Variants in ATP6V0A4 observed in about 807,000 individuals in gnomAD.
The protein encoded by ATP6V0A4 is V-type proton ATPase 116 kDa subunit a 4.
Under a neutral mutation model 107.3 loss-of-function variants are expected in ATP6V0A4, and 86 were observed. The ratio of observed to expected loss-of-function variants is 0.80; its 90% confidence interval spans 0.67 to 0.96. ATP6V0A4 has a LOEUF of 0.96. Ranked by LOEUF, ATP6V0A4 falls within the 40% of genes least tolerant of loss-of-function variation. ATP6V0A4 has a pLI of 0.00. For missense variants in ATP6V0A4, 908 were observed against 1,045.6 expected (o/e 0.87, Z 1.81); for synonymous variants, 353 against 381.4 (o/e 0.93, Z 0.87).
At chr7:138,756,125 G>A (rs1204274147) in intron 9 of ATP6V0A4, 2 of 519,726 alleles carry the variant, frequency 3.8e-6, no homozygotes, top group Non-Finnish European at 6.9e-6. Flanking sequence ...CTGCTTCTAT[G>A]GAGCTACATG....
chr7:138,764,464 A>G (rs1806988573), intron 5 of ATP6V0A4, among the ~76,000 whole-genome samples: 2 of 152,194 alleles, frequency 1.3e-5, no homozygotes, highest in Admixed American at 1.3e-4. Flanking sequence ...TTTAAAGGCT[A>G]TCAGGGAAAA....
At chr7:138,784,031 C>G (rs186918654) in intron 2 of ATP6V0A4, among the ~76,000 whole-genome samples, 1 of 151,736 alleles carries the variant, frequency 6.6e-6, no homozygotes, top group African/African-American at 2.4e-5. Flanking sequence ...CTCTAGCCCC[C>G]AAAAGGGTGC....
At position 138,773,545 on chromosome 7, in the gene ATP6V0A4, C is replaced by G. The variant is rs564080928; in HGVS notation, c.-17-2281G>C. 2.0e-5 allele frequency among the ~76,000 whole-genome samples: 3 copies of G among 152,314 alleles called. No homozygotes were observed. Among genetic ancestry groups the G allele is most frequent in the South Asian group, 4.1e-4 (2 of 4,824 alleles). ...CCAGTGAAGTCCACGAGGCTAGAAC[C>G]ATTCCCTGTTTCCACTCCCACACCG... On this transcript the variant is annotated intron_variant, in intron 2 of 21. Transcript: ENST00000310018. The surrounding 1 kb of genome is among the most constrained non-coding windows in gnomAD (Gnocchi z 5.4).
rs182937034 is a variant in ATP6V0A4, at chr7:138,740,566, C to T, written c.1479-933G>A. On this transcript the variant is annotated intron_variant, in intron 14 of 21. Coordinates refer to ENST00000310018, the MANE Select transcript of ATP6V0A4 (RefSeq NM_020632.3). Reference sequence around the variant, plus strand: ...AAGCAATTCTCCTGCCTCAGGCTCCCGAGCAGCTGGGATTACAGGCATGTG... The same window carrying T: ...AAGCAATTCTCCTGCCTCAGGCTCCTGAGCAGCTGGGATTACAGGCATGTG... Among the ~76,000 whole-genome samples, 124 of 148,230 alleles carry T rather than the reference C, an allele frequency of 8.4e-4. 1 individual carries two copies. The highest frequency in any genetic ancestry group is 3.4e-3 in the Middle Eastern group (1 of 290).
chr7:138,715,666 A>G, intron 20 of ATP6V0A4, 98 bp downstream of exon 20: 1 of 1,494,794 alleles, frequency 6.7e-7, no homozygotes, highest in South Asian at 1.1e-5. Flanking sequence ...ACATCCACAA[A>G]TAGCTCGGAG....
At chr7:138,792,532 AAG>A (rs1223126562) in intron 1 of ATP6V0A4, among the ~76,000 whole-genome samples, 5 of 152,186 alleles carry the variant, frequency 3.3e-5, no homozygotes, top group Non-Finnish European at 4.4e-5. Context: ...AGTGAGAAGA[AAG>A]AGAAAAGGAA....
intron 20 of ATP6V0A4, among the ~76,000 whole-genome samples, chr7:138,710,482 C>A (rs958693917): frequency 1.3e-5 from 2 of 152,314 alleles, no homozygotes; most frequent in Middle Eastern, 3.4e-3. Context: ...AGCCACCGCG[C>A]CCAGCCACAG....
intron 2 of ATP6V0A4, among the ~76,000 whole-genome samples, chr7:138,777,792 G>A (rs1384079245): frequency 6.6e-6 from 1 of 152,184 alleles, no homozygotes; most frequent in Non-Finnish European, 1.5e-5. Flanking sequence ...AAGCTGGACA[G>A]AAGATAGACC....
chr7:138,740,099 A>G (rs565443118), intron 14 of ATP6V0A4, among the ~76,000 whole-genome samples: 11 of 29,112 alleles, frequency 3.8e-4, no homozygotes, highest in Admixed American at 1.2e-3. Context: ...TGTTGAAAGG[A>G]AAAAAAAAAA....
intron 11 of ATP6V0A4, among the ~76,000 whole-genome samples, chr7:138,751,277 T>C (rs1806211062): frequency 6.6e-6 from 1 of 152,164 alleles, no homozygotes; most frequent in Non-Finnish European, 1.5e-5. Context: ...CCCTGCTGCT[T>C]CACTCTGCTC....
rs1804842249 is a variant in ATP6V0A4 at position 138,728,802 on chromosome 7, T to G, written c.1969A>C (p.Ile657Leu). The G allele has an allele frequency of 2.5e-6, 4 of 1,614,140 alleles. No individual in the cohort carries two copies. Among genetic ancestry groups the G allele is most frequent in the Non-Finnish European group, 3.4e-6 (4 of 1,180,028 alleles). The change falls in exon 18 of 22, where the codon ATT (isoleucine) becomes CTT (leucine). Residue 657 changes from isoleucine (I) to leucine (L), a missense_variant. Ile to Leu is a conservative substitution (Grantham distance 5). Transcript: ENST00000310018. Reference protein sequence around the residue: ...ALISVPWMLLIKPFILRASHR... With the variant: ...ALISVPWMLLLKPFILRASHR... Reference sequence around the variant, plus strand: ...CTGGCTCTAAGAATAAACGGCTTAATCAGAAGCATCCACGGCACAGAAATC... The same window carrying G: ...CTGGCTCTAAGAATAAACGGCTTAAGCAGAAGCATCCACGGCACAGAAATC...
intron 15 of ATP6V0A4, among the ~76,000 whole-genome samples, chr7:138,738,975 A>G (rs1562993435): frequency 6.6e-6 from 1 of 152,196 alleles, no homozygotes; most frequent in Non-Finnish European, 1.5e-5. Flanking sequence ...CATGTGTTGT[A>G]TCTCCTCAAA....
intron 1 of ATP6V0A4, among the ~76,000 whole-genome samples, chr7:138,789,312 A>T (rs3823496): frequency 0.57 from 86,995 of 151,436 alleles, 25,304 homozygotes; most frequent in African/African-American, 0.64. Context: ...CAGTGGTGCA[A>T]TCTCGGCTCA....
intron 2 of ATP6V0A4, among the ~76,000 whole-genome samples, chr7:138,778,816 C>T (rs1310784853): frequency 3.3e-5 from 5 of 152,160 alleles, no homozygotes; most frequent in African/African-American, 1.2e-4. Flanking sequence ...CCCTTGTTTG[C>T]CCCTGTTGGG....
At chr7:138,719,352 G>C (rs1804313094) in intron 19 of ATP6V0A4, among the ~76,000 whole-genome samples, 1 of 152,140 alleles carries the variant, frequency 6.6e-6, no homozygotes, top group Admixed American at 6.6e-5. Flanking sequence ...GAATGCAGTG[G>C]CTTAAGTTGG....
chr7:138,784,548 G>A (rs926409089), intron 2 of ATP6V0A4, among the ~76,000 whole-genome samples: 2 of 151,724 alleles, frequency 1.3e-5, no homozygotes, highest in African/African-American at 4.8e-5. Context: ...TCGATCTCCT[G>A]ACCTCATGAT....
At chr7:138,722,217 G>T in intron 18 of ATP6V0A4, 192 bp from the exon 19 acceptor site, 1 of 524,470 alleles carries the variant, frequency 1.9e-6, no homozygotes, top group Non-Finnish European at 2.4e-6. Context: ...TTCTAGAGAA[G>T]TAAGCTGCAG....
At chr7:138,750,744 G>A (rs1439403514) in intron 11 of ATP6V0A4, among the ~76,000 whole-genome samples, 1 of 152,124 alleles carries the variant, frequency 6.6e-6, no homozygotes, top group South Asian at 2.1e-4. Context: ...ACGCACCCCC[G>A]CCCTGCTCAG....
chr7:138,727,313 A>C (rs1194818652), intron 18 of ATP6V0A4, among the ~76,000 whole-genome samples: 2 of 152,008 alleles, frequency 1.3e-5, no homozygotes, highest in African/African-American at 2.4e-5. Context: ...AAAACAAAAA[A>C]AACTTGCATC....
Sources: gnomAD v4.1 joint callset for allele counts (sites outside exome capture counted in the v4.1 genomes callset) on GRCh38, gnomAD v4.1.1 for gene constraint, Gnocchi (gnomAD v3.1) non-coding constraint, MANE v1.5 for transcripts, NCBI Gene and HGNC (gene_info 2026-07-23, HGNC 2026-07-21) for gene names.